DIP2C: variants seen among roughly 807,000 people sequenced by gnomAD.
DIP2C encodes DIP2 acetate--CoA ligase C (putative).
In DIP2C, 33 loss-of-function variants were observed where a neutral mutation model predicts 192.4. The ratio of observed to expected loss-of-function variants is 0.17; its 90% confidence interval spans 0.13 to 0.23. The LOEUF is 0.23. Among genes scored for constraint, DIP2C ranks in the 10% least tolerant of loss-of-function variants. The pLI is 1.00. For missense variants in DIP2C, 1,537 were observed against 2,110.1 expected (o/e 0.73, Z 5.32); for synonymous variants, 979 against 864.1 (o/e 1.13, Z -2.33).
rs60445113 is a variant in DIP2C at position 414,882 on chromosome 10, GTGTGTGTGTA to G, written c.860-782_860-773del. On this transcript the variant is annotated intron_variant, in intron 7 of 36. Transcript: ENST00000280886. ...TGTGTGTGTGTGTGTGTGTGTGTGT[GTGTGTGTGTA>G]TATATATATATATATTTTTTTTTTT... 4.6e-3 allele frequency among the ~76,000 whole-genome samples: 289 copies of G among 63,388 alleles called. 4 individuals are homozygous for G. Among genetic ancestry groups the G allele is most frequent in the East Asian group, 0.02 (59 of 2,964 alleles). The allele number at this position is 63,388 out of a possible 152,430, so 41.6% of individuals were successfully genotyped here.
At chr10:335,766 A>T (rs938986938) in intron 29 of DIP2C, among the ~76,000 whole-genome samples, 1 of 152,230 alleles carries the variant, frequency 6.6e-6, no homozygotes, top group Non-Finnish European at 1.5e-5. Context: ...TCCACCATGA[A>T]GACTCTCTTT....
intron 1 of DIP2C, among the ~76,000 whole-genome samples, chr10:620,830 A>G (rs752418236): frequency 2.6e-5 from 4 of 152,232 alleles, no homozygotes; most frequent in Admixed American, 2.0e-4. Flanking sequence ...AATTATTTCA[A>G]CGTTTAGTGG....
rs556391244 is a variant in DIP2C, at chr10:312,005, G to A, written c.3925-1913C>T. 9.5e-4 allele frequency among the ~76,000 whole-genome samples: 145 copies of A among 152,256 alleles called. 1 individual carries two copies. The highest frequency in any genetic ancestry group is 3.2e-3 in the African/African-American group (135 of 41,542). ...GTTCTGATTCCAGGAACAAAGGAGAGCCTGTGAGCTTTTACACCTGCAAGT... is the reference window on the plus strand; with the variant it reads ...GTTCTGATTCCAGGAACAAAGGAGAACCTGTGAGCTTTTACACCTGCAAGT... On this transcript the variant is annotated intron_variant, in intron 31 of 36. Coordinates refer to ENST00000280886, the MANE Select transcript of DIP2C (RefSeq NM_014974.3).
chr10:336,948 CGTGT>C (rs764208139), intron 29 of DIP2C, among the ~76,000 whole-genome samples: 7 of 23,386 alleles, frequency 3.0e-4, no homozygotes, highest in African/African-American at 7.4e-4. Context: ...GGTGTGTGCG[CGTGT>C]GTGTGTGTTG....
intron 1 of DIP2C, among the ~76,000 whole-genome samples, chr10:494,267 A>G (rs774461340): frequency 2.0e-5 from 3 of 151,708 alleles, no homozygotes; most frequent in Non-Finnish European, 4.4e-5. Context: ...CATGCAGTCC[A>G]GAGTCCTAAA....
intron 17 of DIP2C, among the ~76,000 whole-genome samples, chr10:374,910 C>G (rs1416225688): frequency 6.6e-6 from 1 of 152,172 alleles, no homozygotes; most frequent in Admixed American, 6.5e-5. Context: ...AACTTCCAAA[C>G]TCAGTTCCCA....
At chr10:677,886 A>T (rs1446740777) in intron 1 of DIP2C, among the ~76,000 whole-genome samples, 3 of 152,244 alleles carry the variant, frequency 2.0e-5, no homozygotes, top group Non-Finnish European at 4.4e-5. Flanking sequence ...CAGGCTCCGA[A>T]TTCCAGGAGC....
At chr10:454,830 G>A (rs1184421831) in intron 3 of DIP2C, among the ~76,000 whole-genome samples, 1 of 152,164 alleles carries the variant, frequency 6.6e-6, no homozygotes, top group African/African-American at 2.4e-5. Flanking sequence ...CAGAGAAAGA[G>A]GTAGTATACA....
intron 29 of DIP2C, among the ~76,000 whole-genome samples, chr10:333,742 C>A (rs1374347550): frequency 6.6e-6 from 1 of 152,204 alleles, no homozygotes; most frequent in Non-Finnish European, 1.5e-5. Context: ...TATGAGAATT[C>A]GTTTTTCCAC....
chr10:622,743 C>T lies in DIP2C; in HGVS notation c.85+66751G>A, dbSNP rs971592868. 3.3e-5 allele frequency among the ~76,000 whole-genome samples: 5 copies of T among 152,308 alleles called. No individual in the cohort carries two copies. In the East Asian group the frequency reaches 9.6e-4, roughly 29 times the overall value. On this transcript the variant is annotated intron_variant, in intron 1 of 36. Transcript: ENST00000280886. ...ACGTCAAACTCACGTTCTTCACGTT[C>T]TAAATGTAACTTGCTCAGGGACTGG... is the stretch of plus-strand genomic sequence containing the variant.
chr10:668,064 ACACT>A (rs1184848370), intron 1 of DIP2C: 1 of 152,232 alleles, frequency 6.6e-6, no homozygotes, highest in Non-Finnish European at 1.5e-5. Context: ...CACATACAAC[ACACT>A]CATACAACAC....
At chr10:688,167 C>T (rs905546868) in intron 1 of DIP2C, among the ~76,000 whole-genome samples, 2 of 152,176 alleles carry the variant, frequency 1.3e-5, no homozygotes, top group African/African-American at 4.8e-5. Context: ...CGGCAGCTCC[C>T]GCCTCCTAGC....
intron 1 of DIP2C, among the ~76,000 whole-genome samples, chr10:674,789 T>TATATATATATAGAGAGAGAGAG: frequency 2.6e-4 from 16 of 62,478 alleles, no homozygotes; most frequent in African/African-American, 1.1e-3. Context: ...TATATATATA[T>TATATATATATAGAGAGAGAGAG]AGAGAGAGAG....
Position 431,779 on chromosome 10 carries a change from A to G in DIP2C, c.395-8746T>C, listed in dbSNP as rs1966858284. ...TAGGACTTCTAGTACAATGTTGAAA[A>G]GAAGTGGTGAGAGGAGACATCCTTG... On this transcript the variant is annotated intron_variant, in intron 4 of 36. Transcript: ENST00000280886. Among the ~76,000 whole-genome samples, 3 of 152,336 alleles carry G rather than the reference A, an allele frequency of 2.0e-5. No homozygotes were observed. In the South Asian group the frequency reaches 6.2e-4, roughly 32 times the overall value.
intron 18 of DIP2C, among the ~76,000 whole-genome samples, chr10:366,825 C>T (rs1960278700): frequency 6.6e-6 from 1 of 152,178 alleles, no homozygotes; most frequent in Non-Finnish European, 1.5e-5. Flanking sequence ...TTCGATTTCA[C>T]ACTCCGTGCA....
chr10:545,589 C>A (rs904299906), intron 1 of DIP2C, among the ~76,000 whole-genome samples: 3 of 152,164 alleles, frequency 2.0e-5, no homozygotes, highest in African/African-American at 7.2e-5. Context: ...AGGATCGAAC[C>A]CTGCCTGCAC....
intron 1 of DIP2C, among the ~76,000 whole-genome samples, chr10:584,562 TCGGGGCCCG>T (rs1850883536): frequency 9.3e-6 from 1 of 107,958 alleles, no homozygotes; most frequent in African/African-American, 3.7e-5. Context: ...CTCTCTAGTC[TCGGGGCCCG>T]CGACCTGACC....
intron 10 of DIP2C, among the ~76,000 whole-genome samples, chr10:397,302 G>A (rs1379544158): frequency 1.3e-5 from 2 of 152,128 alleles, no homozygotes; most frequent in African/African-American, 4.8e-5. Flanking sequence ...GGCCGAGGTG[G>A]GCAGATCACC....
chr10:544,663 ATTTTC>A (rs1246085209), intron 1 of DIP2C, among the ~76,000 whole-genome samples: 1 of 152,024 alleles, frequency 6.6e-6, no homozygotes, highest in Non-Finnish European at 1.5e-5. Context: ...GGTGGTTTTC[ATTTTC>A]ATTTCTAAGA....
Sources: allele counts gnomAD v4.1 joint callset (sites outside exome capture counted in the v4.1 genomes callset), GRCh38; gene constraint gnomAD v4.1.1; transcripts MANE v1.5; gene names NCBI Gene and HGNC (gene_info 2026-07-23, HGNC 2026-07-21).